Variants in UBE2F observed in about 807,000 individuals in gnomAD.
UBE2F encodes NEDD8-conjugating enzyme UBE2F.
UBE2F carries 5 observed loss-of-function variants against 29.6 expected under a neutral mutation model. The observed-to-expected ratio is 0.17, with a 90% CI of 0.09 to 0.36. UBE2F has a LOEUF of 0.36. Ranked by LOEUF, UBE2F falls within the 10% of genes least tolerant of loss-of-function variation. UBE2F has a pLI of 1.00. For missense variants in UBE2F, 141 were observed against 228.5 expected (o/e 0.62, Z 2.47); for synonymous variants, 66 against 81.8 (o/e 0.81, Z 1.04).
chr2:237,974,179 T>C lies in UBE2F; in HGVS notation c.118+954T>C, dbSNP rs1468861842. Among the ~76,000 whole-genome samples the C allele has an allele frequency of 5.5e-5, 8 of 145,062 alleles. No homozygotes were observed. The Admixed American group carries it at 5.6e-4, about 10-fold the overall frequency. Reference sequence around the variant, plus strand: ...CAGCTCATTTTTTTTTTTTTTGAGATGGAATTTCGCTCTTGTTGTCCAGGC... The same window carrying C: ...CAGCTCATTTTTTTTTTTTTTGAGACGGAATTTCGCTCTTGTTGTCCAGGC... On this transcript the variant is annotated intron_variant, in intron 2 of 9. Coordinates refer to ENST00000272930, the MANE Select transcript of UBE2F (RefSeq NM_080678.3).
intron 2 of UBE2F, among the ~76,000 whole-genome samples, chr2:237,984,974 G>T (rs1256261756): frequency 7.2e-6 from 1 of 139,568 alleles, no homozygotes; most frequent in Non-Finnish European, 1.5e-5. Context: ...GTTTGAAGAG[G>T]TTGGGAGGTT....
In UBE2F at chr2:237,967,888, C is replaced by T. The variant is rs1219475606; in HGVS notation, c.-17+756C>T. Among the ~76,000 whole-genome samples the T allele has an allele frequency of 6.6e-6, 1 of 152,132 alleles. No individual in the cohort carries two copies. The highest frequency in any genetic ancestry group is 1.5e-5 in the Non-Finnish European group (1 of 68,018). The stretch of plus-strand genomic sequence containing the variant: ...CTGGGCTCAGTTTCCTCATCTGTCA[C>T]AGGAGAGAATTGGGTCCCCCCACTC... On this transcript the variant is annotated intron_variant, in intron 1 of 9. Transcript: ENST00000272930. The surrounding 1 kb of genome is among the most constrained non-coding windows in gnomAD (Gnocchi z 6.3).
chr2:237,972,034 C>T (rs1195660729), intron 1 of UBE2F, among the ~76,000 whole-genome samples: 1 of 152,226 alleles, frequency 6.6e-6, no homozygotes, highest in Non-Finnish European at 1.5e-5. Context: ...TCTTTGTTGT[C>T]CCTACTAGTG....
intron 5 of UBE2F, among the ~76,000 whole-genome samples, chr2:238,017,277 G>A (rs1471652715): frequency 6.6e-6 from 1 of 152,212 alleles, no homozygotes; most frequent in Admixed American, 6.5e-5. Context: ...ACTTTGGAAA[G>A]TGGTCAGGGC....
In UBE2F at chr2:238,041,610, T is replaced by C. The variant is rs1431509964; in HGVS notation, c.*272T>C. The stretch of plus-strand genomic sequence containing the variant: ...TTTACTTTTTTGAACTTGTACTGTA[T>C]AGGCTGTTGGTGAAATTCTTAAGAA... On this transcript the variant is annotated 3_prime_UTR_variant, in exon 10 of 10. Transcript: ENST00000272930. 3.0e-6 allele frequency: 1 copy of C among 329,010 alleles called. No individual in the cohort carries two copies. The highest frequency in any genetic ancestry group is 5.6e-6 in the Non-Finnish European group (1 of 178,260). The allele number at this position is 329,010 out of a possible 1,614,324, so 20.4% of individuals were successfully genotyped here.
intron 3 of UBE2F, among the ~76,000 whole-genome samples, chr2:237,994,126 T>C (rs1328274529): frequency 1.3e-5 from 2 of 150,682 alleles, no homozygotes; most frequent in South Asian, 2.1e-4. Context: ...TTTTTTTTTT[T>C]TGAGGCAGAG....
At chr2:238,035,543 G>T in intron 8 of UBE2F, 1 of 195,500 alleles carries the variant, frequency 5.1e-6, no homozygotes, top group East Asian at 1.3e-4. Flanking sequence ...ATTTGGAAAT[G>T]CTTAATAATA....
chr2:237,981,508 C>A (rs771747471), intron 2 of UBE2F, among the ~76,000 whole-genome samples: 17 of 150,814 alleles, frequency 1.1e-4, no homozygotes, highest in Non-Finnish European at 2.5e-4. Flanking sequence ...GTGGTGGGAT[C>A]ATTGGTAGGC....
chr2:238,009,798 G>A (rs2063978179), intron 4 of UBE2F, among the ~76,000 whole-genome samples: 1 of 152,118 alleles, frequency 6.6e-6, no homozygotes, highest in African/African-American at 2.4e-5. Context: ...AGCCTTTTAA[G>A]TTTAAAGTTT....
intron 2 of UBE2F, among the ~76,000 whole-genome samples, chr2:237,984,891 C>T (rs1219322559): frequency 6.6e-6 from 1 of 151,728 alleles, no homozygotes; most frequent in Non-Finnish European, 1.5e-5. Flanking sequence ...GTGACCTTCC[C>T]ACCTCAGACT....
chr2:237,999,401 C>G (rs1303331498), intron 4 of UBE2F, among the ~76,000 whole-genome samples: 2 of 152,120 alleles, frequency 1.3e-5, no homozygotes, highest in African/African-American at 4.8e-5. Flanking sequence ...TGCAGTTTAT[C>G]AGTTTTTTAA....
At chr2:238,025,183 G>GC (rs2064391651) in intron 5 of UBE2F, 159 bp from the exon 6 acceptor site, 2 of 647,416 alleles carry the variant, frequency 3.1e-6, no homozygotes, top group Non-Finnish European at 5.6e-6. Context: ...GGTGAGGTGA[G>GC]CCAGTATTCA....
At position 237,973,722 on chromosome 2, in the gene UBE2F, T is replaced by A. The variant is rs982204152; in HGVS notation, c.118+497T>A. On this transcript the variant is annotated intron_variant, in intron 2 of 9. Transcript: ENST00000272930. ...TTAATAACATATAGTGTTCTAGAGTTTTCGTGACTTCTGCTATCCATGTTG... is the reference window on the plus strand; with the variant it reads ...TTAATAACATATAGTGTTCTAGAGTATTCGTGACTTCTGCTATCCATGTTG... The A allele has an allele frequency of 2.1e-5, 27 of 1,282,946 alleles. No individual in the cohort carries two copies. The South Asian group carries it at 2.3e-4, about 11-fold the overall frequency. The allele number at this position is 1,282,946 out of a possible 1,614,324, so 79.5% of individuals were successfully genotyped here.
chr2:237,987,541 G>A (rs932355170), intron 2 of UBE2F, among the ~76,000 whole-genome samples: 5 of 152,134 alleles, frequency 3.3e-5, no homozygotes, highest in African/African-American at 1.2e-4. Context: ...GCAGAGGACT[G>A]GGGCCAAGAA....
At chr2:237,970,748 CTT>C (rs1335857375) in intron 1 of UBE2F, among the ~76,000 whole-genome samples, 1 of 152,226 alleles carries the variant, frequency 6.6e-6, no homozygotes, top group Non-Finnish European at 1.5e-5. Flanking sequence ...CGGTTTCACT[CTT>C]GTTGCCCAGG....
chr2:238,014,243 A>G (rs573513995), intron 4 of UBE2F, among the ~76,000 whole-genome samples: 6 of 152,248 alleles, frequency 3.9e-5, no homozygotes, highest in Non-Finnish European at 8.8e-5. Context: ...AACAATAATA[A>G]ATAAGCAGAT....
At chr2:238,010,656 C>T (rs772260335) in intron 4 of UBE2F, among the ~76,000 whole-genome samples, 5 of 152,196 alleles carry the variant, frequency 3.3e-5, no homozygotes, top group Admixed American at 6.5e-5. Context: ...CTCAAGGCTT[C>T]ACCCTGTCTT....
intron 2 of UBE2F, chr2:237,973,657 C>T: frequency 7.7e-7 from 1 of 1,302,910 alleles, no homozygotes; most frequent in Non-Finnish European, 1.0e-6. Context: ...AGGTCAAAGC[C>T]TACGGCGAAT....
intron 2 of UBE2F, among the ~76,000 whole-genome samples, chr2:237,986,011 T>C (rs2063474970): frequency 1.3e-5 from 2 of 152,006 alleles, no homozygotes; most frequent in Non-Finnish European, 1.5e-5. Flanking sequence ...CTATTCATGT[T>C]TTTTGCCCAT....
Sources: allele counts gnomAD v4.1 joint callset (sites outside exome capture counted in the v4.1 genomes callset), GRCh38; gene constraint gnomAD v4.1.1; non-coding constraint Gnocchi (gnomAD v3.1); transcripts MANE v1.5; gene names NCBI Gene and HGNC (gene_info 2026-07-23, HGNC 2026-07-21).